C7orf57: variants seen among roughly 807,000 people sequenced by gnomAD.
C7orf57 encodes chromosome 7 open reading frame 57, also known as uncharacterized protein C7orf57.
A neutral mutation model predicts 39.0 loss-of-function variants in C7orf57; 33 were observed. The ratio of observed to expected loss-of-function variants is 0.85; its 90% CI spans 0.64 to 1.13. The LOEUF (loss-of-function observed/expected upper bound fraction) is 1.13. Ranked by LOEUF, C7orf57 falls within the 50% of genes most tolerant of loss-of-function variation. C7orf57 has a pLI of 0.00. For missense variants in C7orf57, 346 were observed against 362.3 expected (o/e 0.95, Z 0.37); for synonymous variants, 124 against 137.1 (o/e 0.90, Z 0.67).
chr7:48,041,414 A>G lies in C7orf57; in HGVS notation c.136A>G (p.Asn46Asp), dbSNP rs528667180. ...AGCGTCCCAGATCCCAGGTCTCAGC[A>G]ATTTGGGAGACTCACACAGCGAGAA... is the stretch of plus-strand genomic sequence containing the variant. ...PPASQIPGLS[N>D]LGDSHSENLP... Residue 46 changes from asparagine (N) to aspartate (D), a missense_variant, in exon 3 of 9, where the codon AAT becomes GAT. By Grantham distance (23) the Asn-to-Asp change is conservative. Transcript: ENST00000348904. 303 of 1,613,978 alleles carry G rather than the reference A, an allele frequency of 1.9e-4. 7 individuals are homozygous for G. In the South Asian group the frequency reaches 3.1e-3, roughly 17 times the overall value.
At chr7:48,058,383 C>T (rs1251880435) in intron 8 of C7orf57, among the ~76,000 whole-genome samples, 1 of 151,806 alleles carries the variant, frequency 6.6e-6, no homozygotes, top group Non-Finnish European at 1.5e-5. Context: ...TCTCCATACT[C>T]ATTCTTAGAC....
chr7:48,043,458 GC>G (rs750254704), intron 3 of C7orf57, 22 bp from the exon 4 acceptor site: 4 of 1,593,000 alleles, frequency 2.5e-6, no homozygotes, highest in Non-Finnish European at 3.4e-6. Flanking sequence ...GTGTCTCACA[GC>G]CATGTCATTT....
At position 48,041,012 on chromosome 7, in the gene C7orf57, G is replaced by A. The variant is rs189974666; in HGVS notation, c.56-322G>A. Among the ~76,000 whole-genome samples the A allele has an allele frequency of 7.4e-4, 113 of 152,274 alleles. 1 individual carries two copies. The highest frequency in any genetic ancestry group is 6.0e-3 in the Admixed American group (92 of 15,300). On this transcript the variant is annotated intron_variant, in intron 2 of 8. Coordinates refer to ENST00000348904, the MANE Select transcript of C7orf57 (RefSeq NM_001100159.3). ...TTGTCTTATTTTTATGGAGGATTAG[G>A]AGAGAGAGACAGAGACATCATGGGG... is the stretch of plus-strand genomic sequence containing the variant.
At chr7:48,058,575 A>T (rs956415986) in intron 8 of C7orf57, among the ~76,000 whole-genome samples, 2 of 151,360 alleles carry the variant, frequency 1.3e-5, no homozygotes, top group African/African-American at 4.9e-5. Context: ...TATTTTTTTC[A>T]GTCTTTTCTT....
At chr7:48,055,038 A>T (rs1407648115) in intron 8 of C7orf57, among the ~76,000 whole-genome samples, 4 of 152,100 alleles carry the variant, frequency 2.6e-5, no homozygotes, top group African/African-American at 9.7e-5. Flanking sequence ...CACAACGCCC[A>T]GCTAATTTTT....
intron 6 of C7orf57, among the ~76,000 whole-genome samples, chr7:48,050,383 C>G (rs565253271): frequency 6.6e-6 from 1 of 152,210 alleles, no homozygotes; most frequent in African/African-American, 2.4e-5. Flanking sequence ...GCCTTGTAAG[C>G]GTGCTGGCTC....
intron 2 of C7orf57, among the ~76,000 whole-genome samples, chr7:48,037,637 G>A (rs1790414924): frequency 6.6e-6 from 1 of 152,060 alleles, no homozygotes; most frequent in African/African-American, 2.4e-5. Flanking sequence ...AGGCAGGGAA[G>A]GCTATATATA....
chr7:48,038,118 T>C (rs1790438025), intron 2 of C7orf57, among the ~76,000 whole-genome samples: 1 of 152,228 alleles, frequency 6.6e-6, no homozygotes, highest in Non-Finnish European at 1.5e-5. Flanking sequence ...CTTTTCCAAT[T>C]TTTTTCTTTC....
intron 6 of C7orf57, 51 bp from the exon 7 acceptor site, chr7:48,052,649 T>G: frequency 6.7e-7 from 1 of 1,503,728 alleles, no homozygotes; most frequent in Non-Finnish European, 9.2e-7. Context: ...TGCTTCTGCT[T>G]TATCATTAAC....
At chr7:48,049,857 GT>G in intron 5 of C7orf57, 22 bp from the exon 6 acceptor site, 1 of 1,597,122 alleles carries the variant, frequency 6.3e-7, no homozygotes, top group Non-Finnish European at 8.6e-7. Flanking sequence ...CTAACTCAAG[GT>G]TTTGTGTGTT....
In C7orf57 at chr7:48,052,898, T is replaced by C. The variant is rs1248779022; in HGVS notation, c.804T>C (p.Ala268=). 19 of 1,613,822 alleles carry C rather than the reference T, an allele frequency of 1.2e-5. No individual in the cohort carries two copies. The highest frequency in any genetic ancestry group is 1.6e-5 in the Non-Finnish European group (19 of 1,179,740). Residue 268 remains alanine, a synonymous_variant, in exon 7 of 9, where the codon GCT becomes GCC. Coordinates refer to ENST00000348904, the MANE Select transcript of C7orf57 (RefSeq NM_001100159.3). ...CAGCCAGGCTCCAGGATGCAGAGGC[T>C]TCTGAAGGTCCTGAGGACACCCCAG... is the stretch of plus-strand genomic sequence containing the variant. The part of the protein sequence containing the change: ...QDAARLQDAE[A]SEGPEDTPES...
At chr7:48,055,861 AT>A (rs1562633209) in intron 8 of C7orf57, among the ~76,000 whole-genome samples, 2 of 151,962 alleles carry the variant, frequency 1.3e-5, no homozygotes, top group Non-Finnish European at 2.9e-5. Context: ...TTCCTTATTC[AT>A]CTGTTCATGG....
intron 2 of C7orf57, among the ~76,000 whole-genome samples, chr7:48,039,936 G>A (rs1429397353): frequency 6.6e-6 from 1 of 151,866 alleles, no homozygotes; most frequent in Non-Finnish European, 1.5e-5. Flanking sequence ...TGTTTCTAAA[G>A]TTTTCAATCA....
At position 48,052,925 on chromosome 7, in the gene C7orf57, T is replaced by G. The variant is rs1583820753; in HGVS notation, c.829+2T>G. 6.2e-7 allele frequency: 1 copy of G among 1,609,770 alleles called. No individual in the cohort carries two copies. Among genetic ancestry groups the G allele is most frequent in the Non-Finnish European group, 8.5e-7 (1 of 1,176,460 alleles). ...CTGAAGGTCCTGAGGACACCCCAGG[T>G]GAGGCACAAGCAGCCATCTGCATTT... On this transcript the variant is annotated splice_donor_variant, in intron 7 of 8. Coordinates refer to ENST00000348904, the MANE Select transcript of C7orf57 (RefSeq NM_001100159.3). LOFTEE classifies it high-confidence loss of function.
intron 8 of C7orf57, among the ~76,000 whole-genome samples, chr7:48,058,590 C>T (rs1791196809): frequency 6.6e-6 from 1 of 151,234 alleles, no homozygotes; most frequent in Non-Finnish European, 1.5e-5. Context: ...TTTCTTTTTT[C>T]CTCTCTTAGT....
Position 48,060,329 on chromosome 7 carries a change from G to T in C7orf57, c.*57G>T. 1.9e-6 allele frequency: 2 copies of T among 1,068,388 alleles called. No individual in the cohort carries two copies. The highest frequency in any genetic ancestry group is 2.4e-5 in the Admixed American group (1 of 41,110). The allele number at this position is 1,068,388 out of a possible 1,614,324, so 66.2% of individuals were successfully genotyped here. A position where few individuals can be genotyped will look rare whatever the true frequency, so the allele number is the denominator to read the frequency against. ...TTAAATGGCTAAATATGACATGACT[G>T]TATTATAGCTATATTTCTGAGGCTT... is the stretch of plus-strand genomic sequence containing the variant. On this transcript the variant is annotated 3_prime_UTR_variant, in exon 9 of 9. Coordinates refer to ENST00000348904, the MANE Select transcript of C7orf57 (RefSeq NM_001100159.3).
At position 48,036,335 on chromosome 7, in the gene C7orf57, G is replaced by A. The variant is rs778985529; in HGVS notation, c.27G>A (p.Gln9=). The A allele has an allele frequency of 1.6e-5, 26 of 1,591,328 alleles. No homozygotes were observed. Among genetic ancestry groups the A allele is most frequent in the Non-Finnish European group, 8.6e-7 (1 of 1,169,424 alleles). ...TGAGGAACACAAGCAAGGAACTTCA[G>A]GGCGCCACGCACCGCTACGCTCCCT... is the stretch of plus-strand genomic sequence containing the variant. The part of the protein sequence containing the change: MRNTSKEL[Q]GATHRYAPCD... The change falls in exon 2 of 9, where the codon CAG becomes CAA. Residue 9 remains glutamine, a synonymous_variant. Coordinates refer to ENST00000348904, the MANE Select transcript of C7orf57 (RefSeq NM_001100159.3).
chr7:48,036,287 CCGCAG>C lies in C7orf57; in HGVS notation c.-19_-15del. ...CAGGTCCGGCAGCATCTGTCTTTTC[CCGCAG>C]CGTGCAGCGCCTGACCATGAGGAAC... On this transcript the variant is annotated 5_prime_UTR_variant, in exon 2 of 9. Coordinates refer to ENST00000348904, the MANE Select transcript of C7orf57 (RefSeq NM_001100159.3). 1.9e-6 allele frequency: 3 copies of C among 1,570,218 alleles called. No individual in the cohort carries two copies. Among genetic ancestry groups the C allele is most frequent in the Non-Finnish European group, 2.6e-6 (3 of 1,157,858 alleles).
In C7orf57 at chr7:48,049,995, G is replaced by A. The variant is rs377009657; in HGVS notation, c.605+18G>A. ...CCCCCCGTGTAAGTGCTTGAGCTAC[G>A]CCCTCACTGTCTGGACTGGGTTTGG... On this transcript the variant is annotated intron_variant, in intron 6 of 8. Transcript: ENST00000348904. 5 of 1,539,528 alleles carry A rather than the reference G, an allele frequency of 3.2e-6. No individual in the cohort carries two copies. Among genetic ancestry groups the A allele is most frequent in the Middle Eastern group, 1.7e-4 (1 of 5,958 alleles).
Sources: gnomAD v4.1 joint callset for allele counts (sites outside exome capture counted in the v4.1 genomes callset) on GRCh38, gnomAD v4.1.1 for gene constraint, MANE v1.5 for transcripts, NCBI Gene and HGNC (gene_info 2026-07-23, HGNC 2026-07-21) for gene names.